Variants in PRKCB observed in about 807,000 individuals in gnomAD.
The protein encoded by PRKCB is protein kinase C beta.
In PRKCB, 13 loss-of-function variants were observed where a neutral mutation model predicts 81.5. The ratio of observed to expected loss-of-function variants is 0.16; its 90% CI spans 0.10 to 0.25. PRKCB has a LOEUF of 0.25. PRKCB is among the 10% of genes least tolerant of loss of function. The probability of loss-of-function intolerance (pLI) is 1.00; values close to 1 mark genes in which losing one functional copy is unlikely to be tolerated. For missense variants in PRKCB, 509 were observed against 875.7 expected (o/e 0.58, Z 5.29); for synonymous variants, 335 against 321.4 (o/e 1.04, Z -0.45).
chr16:23,966,959 TGG>T (rs1310353710), intron 2 of PRKCB, among the ~76,000 whole-genome samples: 14 of 152,054 alleles, frequency 9.2e-5, no homozygotes, highest in African/African-American at 3.1e-4. Context: ...GCCGGAAACC[TGG>T]ATTTGTAAAA....
chr16:24,104,534 C>T (rs187903303), intron 7 of PRKCB, among the ~76,000 whole-genome samples: 1 of 152,232 alleles, frequency 6.6e-6, no homozygotes, highest in Admixed American at 6.5e-5. Context: ...TGATAAGTGT[C>T]ATAGAGAAAA....
chr16:23,981,133 C>A (rs1329297927), intron 2 of PRKCB, among the ~76,000 whole-genome samples: 1 of 152,174 alleles, frequency 6.6e-6, no homozygotes. Flanking sequence ...TGTCAACATT[C>A]TGAACAGCAG....
chr16:23,869,304 G>A (rs1212920762), intron 2 of PRKCB: 2 of 321,940 alleles, frequency 6.2e-6, no homozygotes, highest in Admixed American at 4.0e-5. Context: ...AAAAGACACA[G>A]GAAGTAGAAT....
intron 3 of PRKCB, among the ~76,000 whole-genome samples, chr16:24,008,018 A>AT (rs397971428): frequency 6.6e-6 from 1 of 151,992 alleles, no homozygotes; most frequent in Non-Finnish European, 1.5e-5. Flanking sequence ...AAAAAAAAAA[A>AT]CTAAGAGCCA....
At chr16:24,017,932 T>A (rs553991563) in intron 3 of PRKCB, among the ~76,000 whole-genome samples, 2 of 141,712 alleles carry the variant, frequency 1.4e-5, no homozygotes, top group Non-Finnish European at 3.0e-5. Flanking sequence ...AGAGTCTCGC[T>A]CTGTGGCCCA....
At chr16:24,210,305 C>T (rs1377470629) in intron 16 of PRKCB, among the ~76,000 whole-genome samples, 1 of 152,074 alleles carries the variant, frequency 6.6e-6, no homozygotes, top group Non-Finnish European at 1.5e-5. Context: ...CCATACTGAC[C>T]TCATTGCTGC....
intron 2 of PRKCB, among the ~76,000 whole-genome samples, chr16:23,895,263 T>A (rs1567305476): frequency 6.6e-6 from 1 of 152,160 alleles, no homozygotes; most frequent in Non-Finnish European, 1.5e-5. Context: ...TCTTACTGAG[T>A]TCCTATTTTT....
chr16:24,006,385 C>T (rs1312945466), intron 3 of PRKCB, among the ~76,000 whole-genome samples: 1 of 152,214 alleles, frequency 6.6e-6, no homozygotes, highest in Non-Finnish European at 1.5e-5. Context: ...CGAAGAACAG[C>T]CCATACTGAC....
chr16:24,044,762 T>G (rs1189890505), intron 5 of PRKCB, among the ~76,000 whole-genome samples: 2 of 152,266 alleles, frequency 1.3e-5, no homozygotes, highest in African/African-American at 4.8e-5. Context: ...CTGCAAAATG[T>G]AAAATATTTG....
chr16:23,986,155 A>G (rs1206358924), intron 2 of PRKCB, among the ~76,000 whole-genome samples: 1 of 152,230 alleles, frequency 6.6e-6, no homozygotes, highest in Non-Finnish European at 1.5e-5. Context: ...TTGGAGCATG[A>G]AGAAGGCTGT....
At chr16:23,879,981 T>C (rs1047976464) in intron 2 of PRKCB, among the ~76,000 whole-genome samples, 54 of 152,342 alleles carry the variant, frequency 3.5e-4, no homozygotes, top group African/African-American at 1.2e-3. Flanking sequence ...ACCGATCTCA[T>C]AGGATTGTTG....
chr16:24,026,005 A>G (rs925149912), intron 3 of PRKCB, among the ~76,000 whole-genome samples: 7 of 152,370 alleles, frequency 4.6e-5, no homozygotes, highest in Middle Eastern at 3.4e-3. Context: ...GCTCTCAAGC[A>G]GTGTGTTGAG....
chr16:24,162,929 A>T (rs554447722), intron 10 of PRKCB, among the ~76,000 whole-genome samples: 1 of 152,254 alleles, frequency 6.6e-6, no homozygotes, highest in African/African-American at 2.4e-5. Context: ...CCTCATGAGG[A>T]GCTAGAATCT....
At chr16:23,877,491 A>C (rs1425565051) in intron 2 of PRKCB, among the ~76,000 whole-genome samples, 1 of 152,144 alleles carries the variant, frequency 6.6e-6, no homozygotes, top group African/African-American at 2.4e-5. Flanking sequence ...AGACTCCCCA[A>C]GAGTAGATTC....
At position 24,218,963 on chromosome 16, in the gene PRKCB, T is replaced by G. The variant is rs1968276386; in HGVS notation, c.*4147T>G. 1 of 985,334 alleles carries G rather than the reference T, an allele frequency of 1.0e-6. No individual in the cohort carries two copies. Among genetic ancestry groups the G allele is most frequent in the Admixed American group, 6.1e-5 (1 of 16,264 alleles). The allele number at this position is 985,334 out of a possible 1,614,324, so 61.0% of individuals were successfully genotyped here. The stretch of plus-strand genomic sequence containing the variant: ...TCTTGGGCAAGCCACCCTGCCTGCT[T>G]GTGCCTCGGTTCTCTCATATGTCAT... On this transcript the variant is annotated 3_prime_UTR_variant, in exon 17 of 17. Transcript: ENST00000643927.
rs1184823913 is a variant in PRKCB at position 24,115,999 on chromosome 16, C to T, written c.918+2930C>T. Among the ~76,000 whole-genome samples, 8 of 151,972 alleles carry T rather than the reference C, an allele frequency of 5.3e-5. No homozygotes were observed. In the South Asian group the frequency reaches 1.3e-3, roughly 24 times the overall value. On this transcript the variant is annotated intron_variant, in intron 8 of 16. Transcript: ENST00000643927. The stretch of plus-strand genomic sequence containing the variant: ...CTCGGCCTCCCAAGTGCTGGGATTA[C>T]AGGCGTGATATCCCAAGGATTTTAG...
At chr16:24,159,862 G>A (rs979367027) in intron 10 of PRKCB, among the ~76,000 whole-genome samples, 6 of 152,032 alleles carry the variant, frequency 3.9e-5, no homozygotes, top group Non-Finnish European at 5.9e-5. Flanking sequence ...GCACGCACCC[G>A]TAGTCCCACC....
intron 3 of PRKCB, among the ~76,000 whole-genome samples, chr16:24,027,474 CTGT>C (rs1260252200): frequency 1.3e-5 from 2 of 152,132 alleles, no homozygotes; most frequent in South Asian, 2.1e-4. Context: ...TTTCCAAGCC[CTGT>C]TGTTGTTACT....
chr16:23,956,979 T>TAAAAAAAAAAAAA (rs10714409), intron 2 of PRKCB, among the ~76,000 whole-genome samples: 3 of 45,954 alleles, frequency 6.5e-5, no homozygotes, highest in African/African-American at 2.7e-4. Context: ...CTATAGGCAG[T>TAAAAAAAAAAAAA]AAAAAAAAAA....
Sources: allele counts gnomAD v4.1 joint callset (sites outside exome capture counted in the v4.1 genomes callset), GRCh38; gene constraint gnomAD v4.1.1; transcripts MANE v1.5; gene names NCBI Gene and HGNC (gene_info 2026-07-23, HGNC 2026-07-21).